The following ATP6V0A2 variants were observed in gnomAD, a reference collection of about 807,000 sequenced individuals.
The protein encoded by ATP6V0A2 is V-type proton ATPase 116 kDa subunit a 2.
Under a neutral mutation model 104.4 loss-of-function variants are expected in ATP6V0A2, and 58 were observed. The observed-to-expected ratio is 0.56, with a 90% CI of 0.45 to 0.69. The LOEUF (loss-of-function observed/expected upper bound fraction) is 0.69, where lower values mean the gene tolerates loss of function less well. Ranked by LOEUF, ATP6V0A2 falls within the 30% of genes least tolerant of loss-of-function variation. ATP6V0A2 has a pLI of 0.00. For synonymous variants in ATP6V0A2, 376 were observed against 397.9 expected, an observed-to-expected ratio of 0.95 and a Z score of 0.65; for missense variants, 938 against 1,062.9, an observed-to-expected ratio of 0.88 and a Z score of 1.63.
Position 123,726,241 on chromosome 12 carries a change from T to G in ATP6V0A2, c.477T>G (p.Ser159=). Residue 159 remains serine, a synonymous_variant, in exon 5 of 20, where the codon TCT becomes TCG. Transcript: ENST00000330342. ...YEEFPSLESD[S]LLDYSCMQRL... Reference sequence around the variant, plus strand: ...AATTCCCTTCCTTAGAGAGTGATTCTTTGTTGGATTACAGCTGTATGCAGA... The same window carrying G: ...AATTCCCTTCCTTAGAGAGTGATTCGTTGTTGGATTACAGCTGTATGCAGA... 1 of 1,613,908 alleles carries G rather than the reference T, an allele frequency of 6.2e-7. No individual in the cohort carries two copies. The highest frequency in any genetic ancestry group is 8.5e-7 in the Non-Finnish European group (1 of 1,179,788).
intron 1 of ATP6V0A2, among the ~76,000 whole-genome samples, chr12:123,714,464 G>A (rs1956321177): frequency 6.6e-6 from 1 of 152,130 alleles, no homozygotes; most frequent in African/African-American, 2.4e-5. Flanking sequence ...CTTCCGTGGT[G>A]ACAGCTAGTG....
intron 2 of ATP6V0A2, chr12:123,721,245 A>G (rs935168631): frequency 5.1e-6 from 1 of 194,316 alleles, no homozygotes; most frequent in African/African-American, 2.3e-5. Context: ...AAAAACATCT[A>G]AAACCACAGC....
rs537409920 is a variant in ATP6V0A2 at position 123,744,536 on chromosome 12, G to A, written c.1327-61G>A. The A allele has an allele frequency of 9.0e-5, 144 of 1,605,044 alleles. No individual in the cohort carries two copies. Among genetic ancestry groups the A allele is most frequent in the Non-Finnish European group, 1.2e-4 (138 of 1,174,894 alleles). ...GAGTGGTGAGGGTCGTGCCCACACC[G>A]ACAGCTGTCACATGGACACCCTCCA... is the stretch of plus-strand genomic sequence containing the variant. On this transcript the variant is annotated intron_variant, in intron 11 of 19. Coordinates refer to ENST00000330342, the MANE Select transcript of ATP6V0A2 (RefSeq NM_012463.4). This position sits in a 1 kb window ranked among gnomAD's most constrained non-coding sequence, Gnocchi z 5.4.
At position 123,758,093 on chromosome 12, in the gene ATP6V0A2, C is replaced by A; in HGVS notation, c.*61C>A. On this transcript the variant is annotated 3_prime_UTR_variant, in exon 20 of 20. Coordinates refer to ENST00000330342, the MANE Select transcript of ATP6V0A2 (RefSeq NM_012463.4). ...GGAGAATGACCATGTTATAGACTTT[C>A]ACTTATGTCAGATTTATGATAGGAA... 1 of 1,197,712 alleles carries A rather than the reference C, an allele frequency of 8.3e-7. No individual in the cohort carries two copies. The highest frequency in any genetic ancestry group is 1.2e-6 in the Non-Finnish European group (1 of 807,548). 74.2% of individuals were successfully genotyped at this position (1,197,712 alleles called of 1,614,324 possible). A position where few individuals can be genotyped will look rare whatever the true frequency, so the allele number is the denominator to read the frequency against.
Position 123,753,138 on chromosome 12 carries a change from CCAG to C in ATP6V0A2, c.2175+737_2175+739del, listed in dbSNP as rs1281601136. Reference sequence around the variant, plus strand: ...ACCGGTGTCTGCTCAGTCTCCCTTACCAGTGACCACTGTGTCAGTCCCCTTTAC... The same window carrying C: ...ACCGGTGTCTGCTCAGTCTCCCTTACTGACCACTGTGTCAGTCCCCTTTAC... On this transcript the variant is annotated intron_variant, in intron 17 of 19. Coordinates refer to ENST00000330342, the MANE Select transcript of ATP6V0A2 (RefSeq NM_012463.4). Among the ~76,000 whole-genome samples, 139 of 142,820 alleles carry C rather than the reference CCAG, an allele frequency of 9.7e-4. 2 individuals carry two copies. The highest frequency in any genetic ancestry group is 3.3e-3 in the African/African-American group (128 of 38,268). 93.7% of individuals were successfully genotyped at this position (142,820 alleles called of 152,430 possible). A position where few individuals can be genotyped will look rare whatever the true frequency, so the allele number is the denominator to read the frequency against.
Position 123,719,166 on chromosome 12 carries a change from A to C in ATP6V0A2, c.196+465A>C, listed in dbSNP as rs551412938. On this transcript the variant is annotated intron_variant, in intron 2 of 19. Transcript: ENST00000330342. ...GAACAAGGGAGGCGGGAAATGGAAGATAGAGTGATTGACAATAATTTCCTT... is the reference window on the plus strand; with the variant it reads ...GAACAAGGGAGGCGGGAAATGGAAGCTAGAGTGATTGACAATAATTTCCTT... Among the ~76,000 whole-genome samples the C allele has an allele frequency of 2.0e-5, 3 of 152,352 alleles. 1 individual carries two copies. In the South Asian group the frequency reaches 6.2e-4, roughly 32 times the overall value.
chr12:123,734,948 T>G (rs1956536328), intron 7 of ATP6V0A2, among the ~76,000 whole-genome samples: 1 of 152,214 alleles, frequency 6.6e-6, no homozygotes, highest in African/African-American at 2.4e-5. Context: ...AGGTATTTAA[T>G]TTTTCAAAGG....
rs777574912 is a variant in ATP6V0A2, at chr12:123,744,943, C to T, written c.1576C>T (p.Arg526Ter). Residue 526 changes from arginine to a stop codon, truncating the protein, a stop_gained, in exon 13 of 20, where the codon CGA (arginine) becomes TGA (stop). Coordinates refer to ENST00000330342, the MANE Select transcript of ATP6V0A2 (RefSeq NM_012463.4). LOFTEE classifies it high-confidence loss of function. The surrounding 1 kb of genome is among the most constrained non-coding windows in gnomAD (Gnocchi z 5.4). ...GGATCCAAGCATTCCTGGAGTGTTC[C>T]GAGGCCCTTATCCCCTTGGCATTGA... Reference protein sequence around the residue: ...QLDPSIPGVFRGPYPLGIDPI... With the variant: ...QLDPSIPGVF The T allele has an allele frequency of 3.1e-6, 5 of 1,614,076 alleles. No individual in the cohort carries two copies. The highest frequency in any genetic ancestry group is 2.7e-5 in the African/African-American group (2 of 74,922).
intron 6 of ATP6V0A2, chr12:123,731,681 C>G (rs1956503364): frequency 6.6e-6 from 1 of 152,226 alleles, no homozygotes; most frequent in Admixed American, 6.5e-5. Context: ...TTCCCAGCCT[C>G]TTTTTCCTGG....
At chr12:123,752,238 CT>C (rs1956722442) in intron 16 of ATP6V0A2, 44 bp from the exon 17 acceptor site, 3 of 1,613,190 alleles carry the variant, frequency 1.9e-6, no homozygotes, top group Non-Finnish European at 2.5e-6. Flanking sequence ...TTGTCACAAC[CT>C]TGTGGTTTTA....
intron 5 of ATP6V0A2, among the ~76,000 whole-genome samples, chr12:123,726,740 T>C (rs760574046): frequency 7.9e-5 from 12 of 152,242 alleles, no homozygotes; most frequent in Non-Finnish European, 1.6e-4. Flanking sequence ...AAAATTATTA[T>C]GAACTCATAT....
In ATP6V0A2 at chr12:123,748,715, G is replaced by A. The variant is rs921030402; in HGVS notation, c.1865G>A (p.Ser622Asn). The change falls in exon 15 of 20, where the codon AGC becomes AAC. Residue 622 changes from serine to asparagine, a missense_variant. By Grantham distance (46) the Ser-to-Asn change is conservative. Coordinates refer to ENST00000330342, the MANE Select transcript of ATP6V0A2 (RefSeq NM_012463.4). ...FSAETSRVAPSILIEFINMFL... is the reference protein window; with the variant it reads ...FSAETSRVAPNILIEFINMFL... ...GCAGAAACCTCCAGAGTTGCTCCCA[G>A]CATTCTGATTGAATTTATTAACATG... 3 of 1,614,030 alleles carry A rather than the reference G, an allele frequency of 1.9e-6. No individual in the cohort carries two copies. The highest frequency in any genetic ancestry group is 1.3e-5 in the African/African-American group (1 of 74,920).
intron 13 of ATP6V0A2, among the ~76,000 whole-genome samples, chr12:123,745,834 T>C (rs1956657363): frequency 6.6e-6 from 1 of 152,106 alleles, no homozygotes; most frequent in African/African-American, 2.4e-5. Context: ...TCCTGAGCTG[T>C]CAGGAGTCTT....
chr12:123,727,049 C>A (rs928044119), intron 5 of ATP6V0A2, among the ~76,000 whole-genome samples: 1 of 152,148 alleles, frequency 6.6e-6, no homozygotes, highest in Non-Finnish European at 1.5e-5. Context: ...AGGCTCCAGG[C>A]TCCTTTGCAA....
chr12:123,734,011 A>G lies in ATP6V0A2; in HGVS notation c.731+3A>G. 1 of 1,606,822 alleles carries G rather than the reference A, an allele frequency of 6.2e-7. No individual in the cohort carries two copies. The highest frequency in any genetic ancestry group is 8.5e-7 in the Non-Finnish European group (1 of 1,173,830). Reference sequence around the variant, plus strand: ...AAGGTTAAGAAGATATGTGATTGGTAAGAAAAAGAAACATTTCATTTCATT... The same window carrying G: ...AAGGTTAAGAAGATATGTGATTGGTGAGAAAAAGAAACATTTCATTTCATT... On this transcript the variant is annotated splice_donor_region_variant and intron_variant, in intron 7 of 19. Coordinates refer to ENST00000330342, the MANE Select transcript of ATP6V0A2 (RefSeq NM_012463.4).
Position 123,712,518 on chromosome 12 carries a change from G to A in ATP6V0A2, c.-48G>A, listed in dbSNP as rs755008039. On this transcript the variant is annotated 5_prime_UTR_variant, in exon 1 of 20. Transcript: ENST00000330342. The stretch of plus-strand genomic sequence containing the variant: ...CTGAGTGTGCGGGCCCGCGCGGCTC[G>A]GAGCCGCCGCCGCCCATCGAGCCCC... 1.9e-5 allele frequency: 28 copies of A among 1,438,608 alleles called. No individual in the cohort carries two copies. In the South Asian group the frequency reaches 3.3e-4, roughly 17 times the overall value. The allele number at this position is 1,438,608 out of a possible 1,614,324, so 89.1% of individuals were successfully genotyped here. A position where few individuals can be genotyped will look rare whatever the true frequency, so the allele number is the denominator to read the frequency against.
Position 123,744,141 on chromosome 12 carries a change from A to G in ATP6V0A2, c.1190-60A>G, listed in dbSNP as rs970431249. 1.1e-5 allele frequency: 18 copies of G among 1,607,188 alleles called. No individual in the cohort carries two copies. The highest frequency in any genetic ancestry group is 2.2e-5 in the East Asian group (1 of 44,856). ...GATTGTTATGTATCATTGTGTTTGA[A>G]TGAACTCAGGTTTTCCATATTTGCT... is the stretch of plus-strand genomic sequence containing the variant. On this transcript the variant is annotated intron_variant, in intron 10 of 19. Coordinates refer to ENST00000330342, the MANE Select transcript of ATP6V0A2 (RefSeq NM_012463.4). This position sits in a 1 kb window ranked among gnomAD's most constrained non-coding sequence, Gnocchi z 5.4.
chr12:123,746,342 A>C (rs901423778), intron 13 of ATP6V0A2, among the ~76,000 whole-genome samples: 2 of 152,056 alleles, frequency 1.3e-5, no homozygotes, highest in African/African-American at 2.4e-5. Flanking sequence ...TTTTAAAATA[A>C]TATATAAAAG....
At chr12:123,748,527 C>A in intron 14 of ATP6V0A2, 48 bp from the exon 15 acceptor site, 1 of 1,406,118 alleles carries the variant, frequency 7.1e-7, no homozygotes, top group Non-Finnish European at 1.0e-6. Flanking sequence ...CTCTTTTTAA[C>A]TTAGGCTGAT....
Sources: gnomAD v4.1 joint callset for allele counts (sites outside exome capture counted in the v4.1 genomes callset) on GRCh38, gnomAD v4.1.1 for gene constraint, Gnocchi (gnomAD v3.1) non-coding constraint, MANE v1.5 for transcripts, NCBI Gene and HGNC (gene_info 2026-07-23, HGNC 2026-07-21) for gene names.